The following RCOR3 variants were observed in gnomAD, a reference collection of about 807,000 sequenced individuals.
The protein encoded by RCOR3 is REST corepressor 3.
Under a neutral mutation model 64.1 loss-of-function variants are expected in RCOR3, and 13 were observed. The ratio of observed to expected loss-of-function variants is 0.20; its 90% CI spans 0.13 to 0.32. The LOEUF is 0.32. Among genes scored for constraint, RCOR3 ranks in the 10% least tolerant of loss-of-function variants. The pLI is 1.00. For missense variants in RCOR3, 489 were observed against 701.2 expected (o/e 0.70, Z 3.42); for synonymous variants, 215 against 239.0 (o/e 0.90, Z 0.93).
At chr1:211,311,170 A>C (rs1701451179) in intron 10 of RCOR3, among the ~76,000 whole-genome samples, 2 of 152,208 alleles carry the variant, frequency 1.3e-5, no homozygotes. Flanking sequence ...CACTATTAGA[A>C]TTTATACTTA....
At chr1:211,288,448 ATATT>A (rs991723039) in intron 7 of RCOR3, among the ~76,000 whole-genome samples, 8 of 146,910 alleles carry the variant, frequency 5.4e-5, no homozygotes, top group African/African-American at 1.7e-4. Flanking sequence ...TATTTTTATT[ATATT>A]TATTTTATTA....
chr1:211,278,045 TA>T, intron 5 of RCOR3, 71 bp from the exon 6 acceptor site: 1 of 1,339,524 alleles, frequency 7.5e-7, no homozygotes, highest in Non-Finnish European at 1.0e-6. Flanking sequence ...TACTAAATAG[TA>T]AAGATATCAT....
Position 211,259,981 on chromosome 1 carries a change from A to G in RCOR3, c.167-127A>G, listed in dbSNP as rs561025893. The G allele has an allele frequency of 5.7e-3, 6,512 of 1,144,522 alleles. 27 individuals are homozygous for G. Among genetic ancestry groups the G allele is most frequent in the South Asian group, 0.012 (615 of 50,454 alleles). 70.9% of individuals were successfully genotyped at this position (1,144,522 alleles called of 1,614,324 possible). On this transcript the variant is annotated intron_variant, in intron 1 of 11. Transcript: ENST00000419091. ...CCATCTCCCGGAGTGCCCCGAGTTG[A>G]TATCTTCCCATCCACCCGCCGCTTC...
chr1:211,290,099 T>G (rs958552624), intron 8 of RCOR3, among the ~76,000 whole-genome samples: 1 of 152,220 alleles, frequency 6.6e-6, no homozygotes, highest in Non-Finnish European at 1.5e-5. Flanking sequence ...CCTTTCTTAG[T>G]TGTCTTTTCC....
intron 2 of RCOR3, among the ~76,000 whole-genome samples, chr1:211,268,139 G>A (rs377572713): frequency 1.3e-5 from 2 of 152,062 alleles, no homozygotes; most frequent in East Asian, 3.8e-4. Flanking sequence ...CCATTGTGCA[G>A]AATAATCAGT....
At position 211,259,726 on chromosome 1, in the gene RCOR3, G is replaced by T. The variant is rs1281996355; in HGVS notation, c.166G>T (p.Asp56Tyr). The part of the protein sequence containing the change: ...ESGCSSDDEH[D>Y]VGMRVGAEYQ... The stretch of plus-strand genomic sequence containing the variant: ...CGGCTGCAGCAGCGACGACGAGCAC[G>T]GTGGTAGCCTCGAACTCCTCCCCGC... Residue 56 changes from aspartate (D) to tyrosine (Y), a missense_variant and splice_region_variant, in exon 1 of 12, where the codon GAT (aspartate) becomes TAT (tyrosine). Transcript: ENST00000419091. 6.7e-7 allele frequency: 1 copy of T among 1,500,552 alleles called. No individual in the cohort carries two copies. The highest frequency in any genetic ancestry group is 1.3e-5 in the South Asian group (1 of 78,358). 93.0% of individuals were successfully genotyped at this position (1,500,552 alleles called of 1,614,324 possible). A position where few individuals can be genotyped will look rare whatever the true frequency, so the allele number is the denominator to read the frequency against.
At chr1:211,292,750 G>C (rs1031225814) in intron 8 of RCOR3, among the ~76,000 whole-genome samples, 7 of 152,100 alleles carry the variant, frequency 4.6e-5, no homozygotes, top group Admixed American at 2.0e-4. Context: ...CCAGTGACCA[G>C]TTAGCCTCAA....
At chr1:211,278,262 T>C (rs764537774) in intron 6 of RCOR3, 21 bp downstream of exon 6, 1 of 1,612,840 alleles carries the variant, frequency 6.2e-7, no homozygotes, top group Non-Finnish European at 8.5e-7. Context: ...TACCTTCATA[T>C]AGTTACATTG....
intron 7 of RCOR3, among the ~76,000 whole-genome samples, chr1:211,281,628 T>TGAAATA (rs1272923999): frequency 6.6e-6 from 1 of 152,230 alleles, no homozygotes; most frequent in Non-Finnish European, 1.5e-5. Flanking sequence ...TTCAGATTAC[T>TGAAATA]AACAGTGTTT....
At chr1:211,268,536 C>A (rs1263544370) in intron 2 of RCOR3, among the ~76,000 whole-genome samples, 1 of 151,794 alleles carries the variant, frequency 6.6e-6, no homozygotes, top group African/African-American at 2.4e-5. Flanking sequence ...TGCGCCACCA[C>A]ACCCGGCTAA....
chr1:211,283,502 G>A (rs1052919537), intron 7 of RCOR3, among the ~76,000 whole-genome samples: 3 of 152,208 alleles, frequency 2.0e-5, no homozygotes, highest in Non-Finnish European at 2.9e-5. Flanking sequence ...GCCAATGCTT[G>A]ATCAGACTTT....
intron 6 of RCOR3, among the ~76,000 whole-genome samples, chr1:211,278,838 G>C (rs1046215780): frequency 3.7e-4 from 57 of 152,150 alleles, no homozygotes; most frequent in African/African-American, 1.3e-3. Context: ...ATAATATTTA[G>C]TAAAATTATT....
chr1:211,314,113 T>C lies in RCOR3; in HGVS notation c.*345T>C, dbSNP rs1327906765. 1 of 193,282 alleles carries C rather than the reference T, an allele frequency of 5.2e-6. No individual in the cohort carries two copies. The highest frequency in any genetic ancestry group is 1.1e-5 in the Non-Finnish European group (1 of 93,598). 12.0% of individuals were successfully genotyped at this position (193,282 alleles called of 1,614,324 possible). ...TGAGGTTCTTTATATTCCTGCCTCTTCATAGTCAAGGCTCTTAGTACAGGA... is the reference window on the plus strand; with the variant it reads ...TGAGGTTCTTTATATTCCTGCCTCTCCATAGTCAAGGCTCTTAGTACAGGA... On this transcript the variant is annotated 3_prime_UTR_variant, in exon 12 of 12. Coordinates refer to ENST00000419091, the MANE Select transcript of RCOR3 (RefSeq NM_001136223.3).
rs1701674350 is a variant in RCOR3, at chr1:211,313,270, A to C, written c.1318-154A>C. ...TTGGTTTTTGGTTTTGTTTTGTTTA[A>C]AATAAAAGAAGCTTGTGCTTCCAAT... On this transcript the variant is annotated intron_variant, in intron 11 of 11. Coordinates refer to ENST00000419091, the MANE Select transcript of RCOR3 (RefSeq NM_001136223.3). This position sits in a 1 kb window ranked among gnomAD's most constrained non-coding sequence, Gnocchi z 4.7. 20 of 1,432,882 alleles carry C rather than the reference A, an allele frequency of 1.4e-5. No individual in the cohort carries two copies. Among genetic ancestry groups the C allele is most frequent in the Non-Finnish European group, 1.8e-5 (20 of 1,098,682 alleles). 88.8% of individuals were successfully genotyped at this position (1,432,882 alleles called of 1,614,324 possible).
chr1:211,288,269 T>C (rs1698794402), intron 7 of RCOR3, among the ~76,000 whole-genome samples: 1 of 151,706 alleles, frequency 6.6e-6, no homozygotes, highest in South Asian at 2.1e-4. Context: ...CAACCTAAAA[T>C]ATATAGTTTC....
rs111618976 is a variant in RCOR3, at chr1:211,297,391, G to A, written c.1017+1638G>A. On this transcript the variant is annotated intron_variant, in intron 9 of 11. Coordinates refer to ENST00000419091, the MANE Select transcript of RCOR3 (RefSeq NM_001136223.3). The stretch of plus-strand genomic sequence containing the variant: ...GGAGGTTAACCAACTTGTTCAAGGT[G>A]ACAGAACTAGTAAATAATGAAACTC... Among the ~76,000 whole-genome samples the A allele has an allele frequency of 6.4e-3, 981 of 152,198 alleles. 4 individuals are homozygous for A. Among genetic ancestry groups the A allele is most frequent in the Non-Finnish European group, 9.7e-3 (656 of 67,940 alleles).
chr1:211,274,561 A>G (rs1235896336), intron 4 of RCOR3, among the ~76,000 whole-genome samples: 1 of 152,064 alleles, frequency 6.6e-6, no homozygotes, highest in African/African-American at 2.4e-5. Context: ...CAAAATGAAA[A>G]GTTAAGGTTT....
At chr1:211,285,807 AATT>A (rs1479281425) in intron 7 of RCOR3, among the ~76,000 whole-genome samples, 4 of 152,174 alleles carry the variant, frequency 2.6e-5, no homozygotes, top group Non-Finnish European at 5.9e-5. Flanking sequence ...TTATGTGATC[AATT>A]ATTCTGATCA....
intron 9 of RCOR3, among the ~76,000 whole-genome samples, chr1:211,297,664 T>G (rs1312305868): frequency 6.6e-6 from 1 of 152,200 alleles, no homozygotes. Context: ...AGTTTGGATA[T>G]TACTTTGGGT....
Sources: allele counts gnomAD v4.1 joint callset (sites outside exome capture counted in the v4.1 genomes callset), GRCh38; gene constraint gnomAD v4.1.1; non-coding constraint Gnocchi (gnomAD v3.1); transcripts MANE v1.5; gene names NCBI Gene and HGNC (gene_info 2026-07-23, HGNC 2026-07-21).